The following WWOX variants were observed in gnomAD, a reference collection of about 807,000 sequenced individuals.
WWOX encodes the protein WW domain-containing oxidoreductase.
Under a neutral mutation model 46.2 loss-of-function variants are expected in WWOX, and 69 were observed. The ratio of observed to expected loss-of-function variants is 1.49; its 90% CI spans 1.23 to 1.82. The LOEUF is 1.82. Ranked by LOEUF, WWOX falls within the 40% of genes most tolerant of loss-of-function variation. The pLI is 0.00. For missense variants in WWOX, 919 were observed against 542.6 expected, an observed-to-expected ratio of 1.69 and a Z score of -6.89; for synonymous variants, 359 against 202.6, an observed-to-expected ratio of 1.77 and a Z score of -6.56.
intron 8 of WWOX, among the ~76,000 whole-genome samples, chr16:78,579,507 A>T (rs1056521689): frequency 3.9e-5 from 6 of 152,122 alleles, no homozygotes; most frequent in African/African-American, 1.4e-4. Flanking sequence ...AAACAACATG[A>T]GATGAGGCTG....
chr16:78,847,115 C>T (rs114297520), intron 8 of WWOX, among the ~76,000 whole-genome samples: 19 of 152,164 alleles, frequency 1.2e-4, no homozygotes, highest in African/African-American at 4.6e-4. Context: ...TCTTGGACTT[C>T]CCTGCCTCAG....
chr16:78,927,194 G>A (rs1171098249), intron 8 of WWOX, among the ~76,000 whole-genome samples: 2 of 152,164 alleles, frequency 1.3e-5, no homozygotes, highest in East Asian at 3.9e-4. Flanking sequence ...AGAGAATGAG[G>A]TATGTGGTAC....
rs1221474821 is a variant in WWOX at position 78,703,398 on chromosome 16, A to C, written c.1056+270646A>C. On this transcript the variant is annotated intron_variant, in intron 8 of 8. Coordinates refer to ENST00000566780, the MANE Select transcript of WWOX (RefSeq NM_016373.4). Reference sequence around the variant, plus strand: ...TGGGAGGCTGAGGTGGGAGGATTGCATGAGCTCAGGAGTTCAAGACCAGTG... The same window carrying C: ...TGGGAGGCTGAGGTGGGAGGATTGCCTGAGCTCAGGAGTTCAAGACCAGTG... Among the ~76,000 whole-genome samples, 4 of 152,070 alleles carry C rather than the reference A, an allele frequency of 2.6e-5. No homozygotes were observed. The East Asian group carries it at 7.8e-4, about 30-fold the overall frequency.
intron 8 of WWOX, among the ~76,000 whole-genome samples, chr16:79,054,510 G>C (rs1484540844): frequency 6.6e-6 from 1 of 152,072 alleles, no homozygotes; most frequent in Non-Finnish European, 1.5e-5. Context: ...TTAATTTCTG[G>C]AACTAATTAC....
chr16:78,242,859 T>C (rs1261735277), intron 5 of WWOX, among the ~76,000 whole-genome samples: 1 of 152,032 alleles, frequency 6.6e-6, no homozygotes, highest in Non-Finnish European at 1.5e-5. Context: ...AATAACAAAA[T>C]TAGCTGGGTA....
chr16:78,447,776 C>T (rs1212083645), intron 8 of WWOX, among the ~76,000 whole-genome samples: 1 of 152,178 alleles, frequency 6.6e-6, no homozygotes, highest in East Asian at 1.9e-4. Flanking sequence ...ACTTAGCAGC[C>T]AAGGAAAGCA....
intron 8 of WWOX, among the ~76,000 whole-genome samples, chr16:78,999,295 A>T (rs145607865): frequency 0.053 from 8,105 of 151,882 alleles, 648 homozygotes; most frequent in African/African-American, 0.17. Context: ...ACATGGAGAA[A>T]CCCCGTCTCT....
intron 8 of WWOX, among the ~76,000 whole-genome samples, chr16:78,801,624 C>A (rs1248357384): frequency 6.6e-6 from 1 of 152,204 alleles, no homozygotes; most frequent in Non-Finnish European, 1.5e-5. Context: ...CCCACATTAA[C>A]AATTTCTCTC....
chr16:79,026,057 T>C (rs1020045705), intron 8 of WWOX, among the ~76,000 whole-genome samples: 15 of 151,748 alleles, frequency 9.9e-5, no homozygotes, highest in African/African-American at 2.9e-4. Context: ...TGTCTTGGCC[T>C]CCCAAAATGC....
intron 8 of WWOX, among the ~76,000 whole-genome samples, chr16:79,081,273 C>G (rs567386167): frequency 6.6e-6 from 1 of 152,158 alleles, no homozygotes; most frequent in African/African-American, 2.4e-5. Flanking sequence ...AAGTGATTCT[C>G]CTGTCTCAGC....
At chr16:79,093,153 A>G (rs971041640) in intron 8 of WWOX, among the ~76,000 whole-genome samples, 1 of 152,190 alleles carries the variant, frequency 6.6e-6, no homozygotes, top group Non-Finnish European at 1.5e-5. Context: ...TGACACTTCT[A>G]AAGGAAAAAA....
At chr16:78,535,702 T>G (rs546011577) in intron 8 of WWOX, 1 of 152,324 alleles carries the variant, frequency 6.6e-6, no homozygotes, top group East Asian at 1.9e-4. Flanking sequence ...TTTGTTACAA[T>G]GTATGTTGTG....
At chr16:78,358,315 TAATG>T (rs1269937099) in intron 5 of WWOX, among the ~76,000 whole-genome samples, 2 of 152,212 alleles carry the variant, frequency 1.3e-5, no homozygotes, top group East Asian at 1.9e-4. Context: ...AGAACTCTGC[TAATG>T]AATTACTTTC....
At chr16:79,058,697 T>A (rs2048308942) in intron 8 of WWOX, among the ~76,000 whole-genome samples, 1 of 152,242 alleles carries the variant, frequency 6.6e-6, no homozygotes, top group Admixed American at 6.5e-5. Context: ...AGAGCTAAAC[T>A]TCTGTCTTTG....
At chr16:78,131,658 T>A (rs2033598409) in intron 4 of WWOX, among the ~76,000 whole-genome samples, 1 of 151,872 alleles carries the variant, frequency 6.6e-6, no homozygotes, top group Admixed American at 6.6e-5. Flanking sequence ...CTTGGCTCAC[T>A]GCAACCTCCA....
intron 8 of WWOX, among the ~76,000 whole-genome samples, chr16:78,668,202 C>A (rs1472798670): frequency 6.6e-6 from 1 of 152,090 alleles, no homozygotes; most frequent in African/African-American, 2.4e-5. Context: ...ACCACTGGAA[C>A]CTGGGAAGCG....
intron 8 of WWOX, among the ~76,000 whole-genome samples, chr16:78,667,084 T>C (rs1319594563): frequency 1.3e-5 from 2 of 152,206 alleles, no homozygotes; most frequent in African/African-American, 4.8e-5. Context: ...CGGATCTTTG[T>C]GTACTTGCTT....
At chr16:78,450,402 A>G (rs1296145920) in intron 8 of WWOX, among the ~76,000 whole-genome samples, 1 of 152,184 alleles carries the variant, frequency 6.6e-6, no homozygotes, top group Non-Finnish European at 1.5e-5. Context: ...TGAGAGAGAA[A>G]TCTTTTCTGA....
At chr16:78,156,501 C>G (rs1597281387) in intron 4 of WWOX, among the ~76,000 whole-genome samples, 1 of 152,188 alleles carries the variant, frequency 6.6e-6, no homozygotes, top group East Asian at 1.9e-4. Context: ...GAGCTGCAGC[C>G]TATTAGCAGT....
Sources: allele counts gnomAD v4.1 joint callset (sites outside exome capture counted in the v4.1 genomes callset), GRCh38; gene constraint gnomAD v4.1.1; transcripts MANE v1.5; gene names NCBI Gene and HGNC (gene_info 2026-07-23, HGNC 2026-07-21).